FGF14: variants seen among roughly 807,000 people sequenced by gnomAD.
The protein encoded by FGF14 is fibroblast growth factor homologous factor 4.
Under a neutral mutation model 25.5 loss-of-function variants are expected in FGF14, and 5 were observed. The observed-to-expected ratio is 0.20, with a 90% CI of 0.10 to 0.41. The LOEUF (loss-of-function observed/expected upper bound fraction) is 0.41, where lower values mean the gene tolerates loss of function less well. FGF14 is among the 10% of genes least tolerant of loss of function. The pLI is 1.00. For missense variants in FGF14, 222 were observed against 320.1 expected (o/e 0.69, Z 2.34); for synonymous variants, 138 against 118.3 (o/e 1.17, Z -1.08).
intron 1 of FGF14, among the ~76,000 whole-genome samples, chr13:102,134,706 T>C (rs2046335548): frequency 6.6e-6 from 1 of 152,236 alleles, no homozygotes; most frequent in Admixed American, 6.5e-5. Flanking sequence ...TTATAGTGAC[T>C]GATATGGCAT....
rs1483774901 is a variant in FGF14 at position 102,030,115 on chromosome 13, AC to A, written c.209-154820del. On this transcript the variant is annotated intron_variant, in intron 1 of 4. Coordinates refer to the FGF14 transcript ENST00000376131. ...GTATGAGAGATTTTTCATTTATAAT[AC>A]CATTATTTATTGAACCCCCAAATTC... Among the ~76,000 whole-genome samples, 104 of 152,256 alleles carry A rather than the reference AC, an allele frequency of 6.8e-4. 2 individuals carry two copies. Among genetic ancestry groups the A allele is most frequent in the African/African-American group, 2.4e-3 (98 of 41,556 alleles).
At chr13:102,313,016 C>A (rs2055848933) in intron 1 of FGF14, among the ~76,000 whole-genome samples, 1 of 152,154 alleles carries the variant, frequency 6.6e-6, no homozygotes, top group Admixed American at 6.5e-5. Flanking sequence ...AGCGGACCAA[C>A]CTACTCCTTC....
rs575138830 is a variant in FGF14 at position 101,780,115 on chromosome 13, AG to A, written c.409-53306del. ...TGAGCATCAGTTTGGGTATCTGGAA[AG>A]GATACACTGGTGGTGGTACAATATT... On this transcript the variant is annotated intron_variant, in intron 3 of 4. Transcript: ENST00000376143. 2.6e-5 allele frequency among the ~76,000 whole-genome samples: 4 copies of A among 152,328 alleles called. No individual in the cohort carries two copies. The East Asian group carries it at 7.7e-4, about 29-fold the overall frequency.
intron 1 of FGF14, among the ~76,000 whole-genome samples, chr13:102,386,915 TACTC>T (rs1413191052): frequency 1.3e-5 from 2 of 152,254 alleles, no homozygotes; most frequent in African/African-American, 2.4e-5. Context: ...ATTAAATCAC[TACTC>T]ACTCACCCAC....
At chr13:102,163,325 A>G (rs2047860317) in intron 1 of FGF14, among the ~76,000 whole-genome samples, 1 of 152,108 alleles carries the variant, frequency 6.6e-6, no homozygotes. Flanking sequence ...CTTGTGTAAT[A>G]TGGTCTACCG....
At chr13:102,168,204 C>T (rs1185795683) in intron 1 of FGF14, among the ~76,000 whole-genome samples, 2 of 152,074 alleles carry the variant, frequency 1.3e-5, no homozygotes, top group Non-Finnish European at 2.9e-5. Flanking sequence ...CGTGCTTTGA[C>T]AGTGTAAACA....
At chr13:102,131,596 T>C (rs2046198602) in intron 1 of FGF14, among the ~76,000 whole-genome samples, 1 of 152,168 alleles carries the variant, frequency 6.6e-6, no homozygotes. Context: ...ATAGAATAAA[T>C]TGGAATACTA....
chr13:102,363,345 T>C (rs1236819813), intron 1 of FGF14, among the ~76,000 whole-genome samples: 3 of 152,194 alleles, frequency 2.0e-5, no homozygotes, highest in African/African-American at 7.2e-5. Flanking sequence ...ATGGCATTAA[T>C]TTCCTCATTT....
At chr13:102,066,051 T>C (rs917103361) in intron 1 of FGF14, among the ~76,000 whole-genome samples, 1 of 152,126 alleles carries the variant, frequency 6.6e-6, no homozygotes, top group African/African-American at 2.4e-5. Flanking sequence ...ATATTTCACA[T>C]ATAGCTAGTT....
chr13:102,313,714 G>T (rs188984417), intron 1 of FGF14, among the ~76,000 whole-genome samples: 1 of 152,184 alleles, frequency 6.6e-6, no homozygotes, highest in East Asian at 1.9e-4. Flanking sequence ...AACCCCAAAA[G>T]AAATATATTC....
chr13:102,262,463 C>T (rs1487701030), intron 1 of FGF14, among the ~76,000 whole-genome samples: 3 of 151,990 alleles, frequency 2.0e-5, no homozygotes, highest in African/African-American at 4.8e-5. Context: ...CAATTCCTAT[C>T]ACTGACACCC....
intron 1 of FGF14, among the ~76,000 whole-genome samples, chr13:101,972,717 C>T (rs1430425928): frequency 1.3e-5 from 2 of 152,000 alleles, no homozygotes; most frequent in Admixed American, 1.3e-4. Context: ...CTATATTGCC[C>T]AGGCAGGTCT....
intron 1 of FGF14, among the ~76,000 whole-genome samples, chr13:102,356,334 C>T (rs1208203979): frequency 1.3e-5 from 2 of 152,148 alleles, no homozygotes; most frequent in African/African-American, 2.4e-5. Flanking sequence ...AAGAGTTCTT[C>T]GCAAGAGAAG....
chr13:101,729,418 A>G (rs2035658187), intron 3 of FGF14, among the ~76,000 whole-genome samples: 1 of 152,188 alleles, frequency 6.6e-6, no homozygotes, highest in Non-Finnish European at 1.5e-5. Context: ...ATTTGATGTC[A>G]TAAGTGATAT....
chr13:102,345,881 T>C (rs1248594391), intron 1 of FGF14, among the ~76,000 whole-genome samples: 2 of 152,228 alleles, frequency 1.3e-5, no homozygotes, highest in Admixed American at 6.5e-5. Flanking sequence ...ATCAGTTGGA[T>C]AGATTCAATA....
At chr13:101,951,637 T>C (rs73567886) in intron 1 of FGF14, among the ~76,000 whole-genome samples, 45 of 152,282 alleles carry the variant, frequency 3.0e-4, no homozygotes, top group African/African-American at 1.1e-3. Context: ...TTGAGCTTGT[T>C]GATTTTCAAA....
rs56216247 is a variant in FGF14, at chr13:102,339,009, C to CAA, written c.208+62460_208+62461dup. 4.5e-5 allele frequency among the ~76,000 whole-genome samples: 6 copies of CAA among 134,166 alleles called. No homozygotes were observed. In the South Asian group the frequency reaches 1.2e-3, roughly 26 times the overall value. The allele number at this position is 134,166 out of a possible 152,430, so 88.0% of individuals were successfully genotyped here. A position where few individuals can be genotyped will look rare whatever the true frequency, so the allele number is the denominator to read the frequency against. On this transcript the variant is annotated intron_variant, in intron 1 of 4. Transcript: ENST00000376131. Reference sequence around the variant, plus strand: ...TGGGCAACAGAGTAAGACTCTGTCTCAAAAAAAAAAAAAAAAGAAAGAAAA... The same window carrying CAA: ...TGGGCAACAGAGTAAGACTCTGTCTCAAAAAAAAAAAAAAAAAAGAAAGAAAA...
chr13:102,151,666 T>A (rs1178888928), intron 1 of FGF14, among the ~76,000 whole-genome samples: 1 of 151,996 alleles, frequency 6.6e-6, no homozygotes, highest in Non-Finnish European at 1.5e-5. Flanking sequence ...GCCCGGCTAA[T>A]TTTTTGTGTG....
At chr13:102,161,644 A>T (rs1163801606) in intron 1 of FGF14, among the ~76,000 whole-genome samples, 893 of 17,006 alleles carry the variant, frequency 0.053, 108 homozygotes, top group African/African-American at 0.17. Flanking sequence ...GAAGAAGAAG[A>T]AGAAGAAGAA....
Sources: gnomAD v4.1 joint callset for allele counts (sites outside exome capture counted in the v4.1 genomes callset) on GRCh38, gnomAD v4.1.1 for gene constraint, MANE v1.5 for transcripts, NCBI Gene and HGNC (gene_info 2026-07-23, HGNC 2026-07-21) for gene names.